GRIK2: variants seen among roughly 807,000 people sequenced by gnomAD.
GRIK2 encodes glutamate ionotropic receptor kainate type subunit 2, also known as glutamate receptor ionotropic, kainate 2.
In GRIK2, 32 loss-of-function variants were observed where a neutral mutation model predicts 100.3. That is an observed-to-expected ratio of 0.32 (90% CI 0.24 to 0.43). GRIK2 has a LOEUF of 0.43. Among genes scored for constraint, GRIK2 ranks in the 20% least tolerant of loss-of-function variants. The pLI, the probability that GRIK2 is intolerant of heterozygous loss-of-function variation, is 1.00. For missense variants in GRIK2, 843 were observed against 1,114.9 expected, an observed-to-expected ratio of 0.76 and a Z score of 3.47; for synonymous variants, 417 against 389.4, an observed-to-expected ratio of 1.07 and a Z score of -0.83.
intron 2 of GRIK2, among the ~76,000 whole-genome samples, chr6:101,600,065 A>G (rs976822101): frequency 2.0e-5 from 3 of 151,786 alleles, no homozygotes; most frequent in Non-Finnish European, 2.9e-5. Flanking sequence ...ATCTGTCTTG[A>G]GTTAATTTTT....
At chr6:101,616,954 G>T (rs1779919302) in intron 2 of GRIK2, among the ~76,000 whole-genome samples, 3 of 151,146 alleles carry the variant, frequency 2.0e-5, no homozygotes, top group Admixed American at 2.0e-4. Context: ...TCAGTAGCTA[G>T]TTTTTTTATT....
intron 2 of GRIK2, among the ~76,000 whole-genome samples, chr6:101,425,076 G>T (rs2852520): frequency 0.8 from 120,464 of 150,758 alleles, 48,785 homozygotes; most frequent in East Asian, 0.97. Flanking sequence ...TGTTGGACAT[G>T]TGGGTTGGTT....
At chr6:101,948,371 C>G (rs1261900360) in intron 14 of GRIK2, among the ~76,000 whole-genome samples, 1 of 150,366 alleles carries the variant, frequency 6.7e-6, no homozygotes, top group Non-Finnish European at 1.5e-5. Context: ...CCACAAGTTA[C>G]TATTTTTTAC....
chr6:101,930,288 G>A (rs375355458), intron 14 of GRIK2, among the ~76,000 whole-genome samples: 1 of 151,584 alleles, frequency 6.6e-6, no homozygotes, highest in Non-Finnish European at 1.5e-5. Flanking sequence ...GTTGTAGTGA[G>A]CTAAGATGGC....
intron 7 of GRIK2, among the ~76,000 whole-genome samples, chr6:101,754,639 A>C (rs182397747): frequency 6.6e-6 from 1 of 152,328 alleles, no homozygotes; most frequent in Admixed American, 6.5e-5. Context: ...ATAAAATGTG[A>C]TGAGTGCTAT....
At chr6:102,012,210 A>AT (rs1344063204) in intron 14 of GRIK2, among the ~76,000 whole-genome samples, 2 of 151,928 alleles carry the variant, frequency 1.3e-5, no homozygotes, top group Non-Finnish European at 2.9e-5. Context: ...CAACTTATCT[A>AT]TTTTTTCACC....
At chr6:102,046,856 T>C (rs1392983476) in intron 15 of GRIK2, among the ~76,000 whole-genome samples, 1 of 152,164 alleles carries the variant, frequency 6.6e-6, no homozygotes, top group South Asian at 2.1e-4. Flanking sequence ...AAATTATGTA[T>C]AGTATTGTTT....
chr6:101,732,403 TA>T (rs550110798), intron 7 of GRIK2, among the ~76,000 whole-genome samples: 20 of 152,238 alleles, frequency 1.3e-4, no homozygotes, highest in East Asian at 1.9e-4. Flanking sequence ...ATAACAATCA[TA>T]TTTTTTTTAG....
rs530057096 is a variant in GRIK2, at chr6:101,477,125, G to A, written c.115+77733G>A. Among the ~76,000 whole-genome samples, 3 of 152,122 alleles carry A rather than the reference G, an allele frequency of 2.0e-5. No individual in the cohort carries two copies. In the East Asian group the frequency reaches 5.8e-4, roughly 29 times the overall value. On this transcript the variant is annotated intron_variant, in intron 2 of 16. Coordinates refer to ENST00000369134, the MANE Select transcript of GRIK2 (RefSeq NM_021956.5). Reference sequence around the variant, plus strand: ...AACTGTATAAAATAAAGTAAAACTAGAGGGTCTGTGAAATTGTATTTCTTT... The same window carrying A: ...AACTGTATAAAATAAAGTAAAACTAAAGGGTCTGTGAAATTGTATTTCTTT...
In GRIK2 at chr6:101,646,404, C is replaced by T. The variant is rs1034549405; in HGVS notation, c.541+19767C>T. Among the ~76,000 whole-genome samples the T allele has an allele frequency of 1.3e-5, 2 of 151,726 alleles. 1 individual carries two copies. Among genetic ancestry groups the T allele is most frequent in the Admixed American group, 1.3e-4 (2 of 15,184 alleles). ...ATTTAGTAAATTCTTACTTCCTGGA[C>T]TTCAGATAAGGTAAAAAGTAAGCAT... On this transcript the variant is annotated intron_variant, in intron 4 of 16. Coordinates refer to ENST00000369134, the MANE Select transcript of GRIK2 (RefSeq NM_021956.5).
At chr6:101,657,588 T>G (rs1156251428) in intron 4 of GRIK2, among the ~76,000 whole-genome samples, 2 of 152,148 alleles carry the variant, frequency 1.3e-5, no homozygotes, top group Non-Finnish European at 2.9e-5. Context: ...CCAATTTGAG[T>G]ATTGGCACGC....
chr6:101,761,416 G>C lies in GRIK2; in HGVS notation c.952-38232G>C, dbSNP rs1349059031. Among the ~76,000 whole-genome samples, 6 of 152,048 alleles carry C rather than the reference G, an allele frequency of 3.9e-5. No individual in the cohort carries two copies. The East Asian group carries it at 1.2e-3, about 29-fold the overall frequency. On this transcript the variant is annotated intron_variant, in intron 7 of 16. Transcript: ENST00000369134. ...GGTTCCCCTAAAGGCAAATATAACTGACTCATTAGGAAATCAGTTGGGAAA... is the reference window on the plus strand; with the variant it reads ...GGTTCCCCTAAAGGCAAATATAACTCACTCATTAGGAAATCAGTTGGGAAA...
chr6:101,539,617 T>C (rs1775888025), intron 2 of GRIK2, among the ~76,000 whole-genome samples: 1 of 151,738 alleles, frequency 6.6e-6, no homozygotes, highest in Non-Finnish European at 1.5e-5. Context: ...TTCATGTAGG[T>C]TTCTAGTGGG....
At chr6:101,500,753 G>A (rs915802156) in intron 2 of GRIK2, among the ~76,000 whole-genome samples, 1 of 151,918 alleles carries the variant, frequency 6.6e-6, no homozygotes, top group Non-Finnish European at 1.5e-5. Flanking sequence ...TATGTTTATT[G>A]ACTTCATGTT....
At chr6:101,753,295 A>AAAAAAAAAAAAAAAAAAAAAGAAG (rs1562358335) in intron 7 of GRIK2, among the ~76,000 whole-genome samples, 7 of 151,268 alleles carry the variant, frequency 4.6e-5, no homozygotes, top group African/African-American at 1.7e-4. Context: ...AAAAAAAAAA[A>AAAAAAAAAAAAAAAAAAAAAGAAG]AAAAAAAGAA....
At chr6:101,532,813 T>G (rs920223580) in intron 2 of GRIK2, among the ~76,000 whole-genome samples, 2 of 151,508 alleles carry the variant, frequency 1.3e-5, no homozygotes, top group Non-Finnish European at 2.9e-5. Flanking sequence ...AATGCAAAAA[T>G]GCAGACTTGA....
chr6:101,398,182 C>CA (rs1049377847), intron 1 of GRIK2, among the ~76,000 whole-genome samples: 1 of 152,046 alleles, frequency 6.6e-6, no homozygotes, highest in Non-Finnish European at 1.5e-5. Context: ...AAAGAATGTT[C>CA]AAAAAACCAA....
intron 11 of GRIK2, among the ~76,000 whole-genome samples, chr6:101,873,115 C>T (rs944850776): frequency 5.3e-5 from 8 of 152,036 alleles, no homozygotes; most frequent in African/African-American, 1.9e-4. Context: ...TTAAATTATA[C>T]ATTAAGTTCT....
chr6:101,875,294 CA>C (rs1200612895), intron 11 of GRIK2, among the ~76,000 whole-genome samples: 1 of 151,782 alleles, frequency 6.6e-6, no homozygotes, highest in African/African-American at 2.4e-5. Context: ...AAACCAAGGA[CA>C]AAACCTCAAT....
Sources: gnomAD v4.1 joint callset for allele counts (sites outside exome capture counted in the v4.1 genomes callset) on GRCh38, gnomAD v4.1.1 for gene constraint, MANE v1.5 for transcripts, NCBI Gene and HGNC (gene_info 2026-07-23, HGNC 2026-07-21) for gene names.